Variants in ADGRL2 observed in about 807,000 individuals in gnomAD.
The protein encoded by ADGRL2 is adhesion G protein-coupled receptor L2, also known as calcium-independent alpha-latrotoxin receptor 2.
ADGRL2 carries 44 observed loss-of-function variants against 157.4 expected under a neutral mutation model. That is an observed-to-expected ratio of 0.28 (90% confidence interval 0.22 to 0.36). The LOEUF (loss-of-function observed/expected upper bound fraction) is 0.36. Among genes scored for constraint, ADGRL2 ranks in the 10% least tolerant of loss-of-function variants. ADGRL2 has a pLI of 1.00. For missense variants in ADGRL2, 1,510 were observed against 1,768.9 expected, an observed-to-expected ratio of 0.85 and a Z score of 2.63; for synonymous variants, 585 against 624.7, an observed-to-expected ratio of 0.94 and a Z score of 0.95.
At chr1:81,346,142 G>A (rs1662463664) in intron 1 of ADGRL2, among the ~76,000 whole-genome samples, 1 of 152,140 alleles carries the variant, frequency 6.6e-6, no homozygotes, top group Non-Finnish European at 1.5e-5. Context: ...TTGGGGAGTG[G>A]AGGATGAGGT....
At chr1:81,809,464 G>A (rs1019023806) in intron 1 of ADGRL2, among the ~76,000 whole-genome samples, 1 of 151,880 alleles carries the variant, frequency 6.6e-6, no homozygotes, top group African/African-American at 2.4e-5. Context: ...TCTTGGCTAT[G>A]AGAGATGGGA....
chr1:81,925,573 A>T (rs919140506), intron 3 of ADGRL2, among the ~76,000 whole-genome samples: 1 of 148,242 alleles, frequency 6.7e-6, no homozygotes, highest in African/African-American at 2.5e-5. Context: ...AAAAAAAAAA[A>T]GTAAGCACTT....
At position 81,513,063 on chromosome 1, in the gene ADGRL2, T is replaced by C. The variant is rs144142741; in HGVS notation, c.-247-67813T>C. Among the ~76,000 whole-genome samples the C allele has an allele frequency of 2.4e-3, 358 of 152,322 alleles. 3 individuals carry two copies. The highest frequency in any genetic ancestry group is 8.2e-3 in the African/African-American group (339 of 41,590). On this transcript the variant is annotated intron_variant, in intron 2 of 24. Transcript: ENST00000370721. ...AAAAAATAAATGTATATTTTTTATA[T>C]TGAGTGTGTGAAAAATTAAGATATC...
At chr1:81,809,140 G>A (rs2089534672) in intron 1 of ADGRL2, among the ~76,000 whole-genome samples, 1 of 151,918 alleles carries the variant, frequency 6.6e-6, no homozygotes, top group South Asian at 2.1e-4. Context: ...TCCAATCTGT[G>A]AGGAGTACAT....
intron 3 of ADGRL2, among the ~76,000 whole-genome samples, chr1:81,669,938 G>A (rs371981604): frequency 2.5e-4 from 27 of 106,028 alleles, no homozygotes; most frequent in East Asian, 1.0e-3. Flanking sequence ...GTGAGACTAC[G>A]TCTCAAAAAA....
intron 1 of ADGRL2, among the ~76,000 whole-genome samples, chr1:81,438,296 C>T (rs1243035075): frequency 1.3e-5 from 2 of 151,948 alleles, no homozygotes; most frequent in African/African-American, 4.8e-5. Flanking sequence ...CTGTTTGTTC[C>T]CCCAGAGAAC....
At position 81,591,253 on chromosome 1, in the gene ADGRL2, T is replaced by C. The variant is rs79112762; in HGVS notation, c.-143+10273T>C. Among the ~76,000 whole-genome samples, 1,215 of 152,272 alleles carry C rather than the reference T, an allele frequency of 8.0e-3. 29 individuals are homozygous for C. Among genetic ancestry groups the C allele is most frequent in the African/African-American group, 0.028 (1,155 of 41,566 alleles). On this transcript the variant is annotated intron_variant, in intron 3 of 24. Transcript: ENST00000370721. ...TGAGCCACACATGTTCAGGGGACAA[T>C]GTAGTTGTAAGGTGCTCATCTACTC... is the stretch of plus-strand genomic sequence containing the variant.
chr1:81,379,097 C>T (rs1329501529), intron 1 of ADGRL2, among the ~76,000 whole-genome samples: 1 of 152,112 alleles, frequency 6.6e-6, no homozygotes, highest in Non-Finnish European at 1.5e-5. Context: ...CCTCCTTCCC[C>T]ACCACCAAGC....
At chr1:81,443,383 G>A (rs980596341) in intron 1 of ADGRL2, among the ~76,000 whole-genome samples, 3 of 151,160 alleles carry the variant, frequency 2.0e-5, no homozygotes, top group Non-Finnish European at 2.9e-5. Context: ...GCAGAGGTGA[G>A]CCAAGATCAC....
intron 2 of ADGRL2, among the ~76,000 whole-genome samples, chr1:81,568,897 T>A (rs1407023420): frequency 2.0e-5 from 3 of 152,120 alleles, no homozygotes; most frequent in Non-Finnish European, 4.4e-5. Context: ...TAATACATAG[T>A]GTTATGTAGC....
chr1:81,913,046 A>C (rs141053256), intron 3 of ADGRL2, among the ~76,000 whole-genome samples: 1,715 of 152,272 alleles, frequency 0.011, 29 homozygotes, highest in African/African-American at 0.039. Context: ...CTCTATAAGC[A>C]ACAAAGCTGA....
chr1:81,750,814 T>C (rs563862677), intron 1 of ADGRL2, among the ~76,000 whole-genome samples: 78 of 152,296 alleles, frequency 5.1e-4, no homozygotes, highest in Non-Finnish European at 9.6e-4. Context: ...TTCATAGATA[T>C]AGATATATAT....
intron 1 of ADGRL2, among the ~76,000 whole-genome samples, chr1:81,826,029 T>G (rs765287820): frequency 1.3e-5 from 2 of 152,178 alleles, no homozygotes; most frequent in Non-Finnish European, 2.9e-5. Context: ...GTGTACCTCT[T>G]TAAAATGAAG....
At chr1:81,888,113 T>G (rs566036792) in intron 2 of ADGRL2, among the ~76,000 whole-genome samples, 32 of 152,218 alleles carry the variant, frequency 2.1e-4, no homozygotes, top group Middle Eastern at 3.4e-3. Context: ...ACGATGAAAG[T>G]AGTAATGTGA....
At chr1:81,389,436 G>C (rs1206426865) in intron 1 of ADGRL2, among the ~76,000 whole-genome samples, 1 of 152,170 alleles carries the variant, frequency 6.6e-6, no homozygotes. Flanking sequence ...GGGAGATATT[G>C]AAAAACAGCT....
At chr1:81,638,952 C>T (rs759702919) in intron 3 of ADGRL2, among the ~76,000 whole-genome samples, 62 of 152,126 alleles carry the variant, frequency 4.1e-4, no homozygotes, top group Non-Finnish European at 1.0e-4. Flanking sequence ...AGCAGTGAGC[C>T]GTGATCACCC....
At chr1:81,894,950 G>A (rs892788647) in intron 2 of ADGRL2, among the ~76,000 whole-genome samples, 2 of 152,150 alleles carry the variant, frequency 1.3e-5, no homozygotes, top group Non-Finnish European at 2.9e-5. Context: ...TTAAGTGATT[G>A]AATTATTAGC....
At position 81,981,893 on chromosome 1, in the gene ADGRL2, A is replaced by G. The variant is rs1397691445; in HGVS notation, c.3199A>G (p.Ile1067Val). 21 of 1,612,076 alleles carry G rather than the reference A, an allele frequency of 1.3e-5. No individual in the cohort carries two copies. The highest frequency in any genetic ancestry group is 1.7e-5 in the Non-Finnish European group (20 of 1,178,720). Residue 1067 changes from isoleucine to valine, a missense_variant, in exon 19 of 24, where the codon ATT becomes GTT. By Grantham distance (29) the Ile-to-Val change is conservative. Coordinates refer to ENST00000686636, the MANE Select transcript of ADGRL2 (RefSeq NM_001366006.2). ...FGLLFINEET[I>V]VMAYLFTIFN... ...GTTGCTTTTTATTAATGAGGAGACT[A>G]TTGTGATGGCATATCTCTTCACTAT...
intron 1 of ADGRL2, among the ~76,000 whole-genome samples, chr1:81,354,090 G>T (rs1157645154): frequency 1.3e-5 from 2 of 152,156 alleles, no homozygotes; most frequent in African/African-American, 4.8e-5. Flanking sequence ...GCAATAAACA[G>T]CATAGACTTT....
Sources: gnomAD v4.1 joint callset for allele counts (sites outside exome capture counted in the v4.1 genomes callset) on GRCh38, gnomAD v4.1.1 for gene constraint, MANE v1.5 for transcripts, NCBI Gene and HGNC (gene_info 2026-07-23, HGNC 2026-07-21) for gene names.